PYROXD1: variants seen among roughly 807,000 people sequenced by gnomAD.
PYROXD1 encodes tRNA ligase complex-associated NAD(P)H dehydrogenase PYROXD1.
Under a neutral mutation model 62.0 loss-of-function variants are expected in PYROXD1, and 42 were observed. The observed-to-expected ratio is 0.68, with a 90% CI of 0.53 to 0.88. The LOEUF is 0.88. Ranked by LOEUF, PYROXD1 falls within the 40% of genes least tolerant of loss-of-function variation. PYROXD1 has a pLI of 0.00. For missense variants in PYROXD1, 493 were observed against 604.8 expected, an observed-to-expected ratio of 0.82 and a Z score of 1.94; for synonymous variants, 170 against 206.4, an observed-to-expected ratio of 0.82 and a Z score of 1.51.
rs772953268 is a variant in PYROXD1, at chr12:21,471,055, T to C, written c.*2301T>C. On this transcript the variant is annotated 3_prime_UTR_variant, in exon 12 of 12. Transcript: ENST00000240651. ...AGAAGATTAGCTTTAGGTCCTATTT[T>C]CAAATACGAAATGGTAGCATAAGCT... The C allele has an allele frequency of 6.2e-7, 1 of 1,602,456 alleles. No homozygotes were observed. Among genetic ancestry groups the C allele is most frequent in the Non-Finnish European group, 8.5e-7 (1 of 1,175,488 alleles).
intron 4 of PYROXD1, 85 bp from the exon 5 acceptor site, chr12:21,451,996 T>G (rs1942507502): frequency 1.2e-5 from 10 of 803,420 alleles, no homozygotes; most frequent in African/African-American, 1.8e-5. Flanking sequence ...AATATTTACA[T>G]TTTTAGAATA....
In PYROXD1 at chr12:21,455,287, C is replaced by G. The variant is rs769593817; in HGVS notation, c.644C>G (p.Thr215Ser). 1 of 1,547,170 alleles carries G rather than the reference C, an allele frequency of 6.5e-7. No homozygotes were observed. The highest frequency in any genetic ancestry group is 8.7e-7 in the Non-Finnish European group (1 of 1,147,342). The change falls in exon 6 of 12, where the codon ACT becomes AGT. Residue 215 changes from threonine to serine, a missense_variant. This residue lies in a region of PYROXD1 where 329 missense variants were observed against 446.6 expected (regional missense o/e 0.74). Coordinates refer to ENST00000240651, the MANE Select transcript of PYROXD1 (RefSeq NM_024854.5). ...GCACATAAAAGAACCAGATATACAA[C>G]TGAAGGTAAGTGTAGCACCTAGCTC... ...KIAHKRTRYT[T>S]EGRKKEARSK...
chr12:21,445,609 T>C (rs1942372051), intron 3 of PYROXD1, 143 bp downstream of exon 3: 2 of 857,254 alleles, frequency 2.3e-6, no homozygotes, highest in Non-Finnish European at 3.4e-6. Flanking sequence ...TCCAGTATTA[T>C]TAGAAAAAAT....
At position 21,461,069 on chromosome 12, in the gene PYROXD1, A is replaced by G. The variant is rs1942689221; in HGVS notation, c.795A>G (p.Lys265=). 6.4e-7 allele frequency: 1 copy of G among 1,573,370 alleles called. No homozygotes were observed. The highest frequency in any genetic ancestry group is 1.8e-5 in the Admixed American group (1 of 55,574). ...IHLETMCEVK[K]IYLQDEFRIL... is the part of the protein sequence containing the mutation. ...TTGAAACTATGTGTGAAGTAAAGAAAATCTACCTTCAGGATGAGTTTAGAA... is the reference window on the plus strand; with the variant it reads ...TTGAAACTATGTGTGAAGTAAAGAAGATCTACCTTCAGGATGAGTTTAGAA... Residue 265 remains lysine, a synonymous_variant, in exon 8 of 12, where the codon AAA becomes AAG. Transcript: ENST00000240651.
rs769102078 is a variant in PYROXD1, at chr12:21,462,004, A to G, written c.881-4A>G. The G allele has an allele frequency of 2.5e-6, 4 of 1,590,988 alleles. No individual in the cohort carries two copies. Among genetic ancestry groups the G allele is most frequent in the Non-Finnish European group, 3.4e-6 (4 of 1,165,772 alleles). ...TCTGTTTTTTTGGTTTTTTTTTCTT[A>G]AAGAGATGTGGCCTGTCTATGTGGA... On this transcript the variant is annotated splice_region_variant and splice_polypyrimidine_tract_variant and intron_variant, in intron 8 of 11. Coordinates refer to ENST00000240651, the MANE Select transcript of PYROXD1 (RefSeq NM_024854.5).
chr12:21,440,287 C>A, intron 1 of PYROXD1, 81 bp from the exon 2 acceptor site: 1 of 732,626 alleles, frequency 1.4e-6, no homozygotes, highest in South Asian at 1.9e-5. Context: ...ATTAAAATTG[C>A]ATTATTCTCA....
intron 9 of PYROXD1, 118 bp from the exon 10 acceptor site, chr12:21,462,622 T>C (rs1291506588): frequency 1.7e-6 from 2 of 1,181,360 alleles, no homozygotes; most frequent in African/African-American, 3.1e-5. Flanking sequence ...ATATTTTTCA[T>C]TTTCTCATTA....
At position 21,470,196 on chromosome 12, in the gene PYROXD1, A is replaced by C; in HGVS notation, c.*1442A>C. On this transcript the variant is annotated 3_prime_UTR_variant, in exon 12 of 12. Coordinates refer to ENST00000240651, the MANE Select transcript of PYROXD1 (RefSeq NM_024854.5). ...TAGAAAATTTAGTAACATTCATATC[A>C]GGCATCATCGATTTTTCTTTTCTTA... 6.2e-7 allele frequency: 1 copy of C among 1,611,660 alleles called. No homozygotes were observed. Among genetic ancestry groups the C allele is most frequent in the Non-Finnish European group, 8.5e-7 (1 of 1,178,518 alleles).
chr12:21,467,496 C>T lies in PYROXD1; in HGVS notation c.1132C>T (p.Gln378Ter). ...ATCATTTCAGATGAGGCTGTGGACC[C>T]AGGCTAGACAGATGGGATGGTATGC... ...PVWQQMRLWT[Q>*]ARQMGWYAAK... The change falls in exon 11 of 12, where the codon CAG becomes TAG. Residue 378 changes from glutamine (Q) to a stop codon, truncating the protein, a stop_gained. Transcript: ENST00000240651. LOFTEE classifies it high-confidence loss of function. 6.2e-7 allele frequency: 1 copy of T among 1,604,210 alleles called. No individual in the cohort carries two copies. The highest frequency in any genetic ancestry group is 8.5e-7 in the Non-Finnish European group (1 of 1,176,384).
At chr12:21,464,598 C>T (rs892755238) in intron 10 of PYROXD1, among the ~76,000 whole-genome samples, 2 of 152,120 alleles carry the variant, frequency 1.3e-5, no homozygotes, top group African/African-American at 2.4e-5. Context: ...CTGTTTAATT[C>T]TCTCAATAGT....
Position 21,470,343 on chromosome 12 carries a change from C to T in PYROXD1, c.*1589C>T, listed in dbSNP as rs1383372186. 7 of 1,375,918 alleles carry T rather than the reference C, an allele frequency of 5.1e-6. No individual in the cohort carries two copies. Among genetic ancestry groups the T allele is most frequent in the African/African-American group, 1.7e-5 (1 of 58,252 alleles). 85.2% of individuals were successfully genotyped at this position (1,375,918 alleles called of 1,614,324 possible). ...TCAGAATGACAAGTTTGAGACGATT[C>T]AGCCTACAAAAAAAAAAAAAAAACA... On this transcript the variant is annotated 3_prime_UTR_variant, in exon 12 of 12. Transcript: ENST00000240651.
In PYROXD1 at chr12:21,470,502, A is replaced by G. The variant is rs920060148; in HGVS notation, c.*1748A>G. 6.7e-4 allele frequency: 686 copies of G among 1,022,416 alleles called. 2 individuals are homozygous for G. The highest frequency in any genetic ancestry group is 9.4e-4 in the Admixed American group (27 of 28,698). 63.3% of individuals were successfully genotyped at this position (1,022,416 alleles called of 1,614,324 possible). A position where few individuals can be genotyped will look rare whatever the true frequency, so the allele number is the denominator to read the frequency against. On this transcript the variant is annotated 3_prime_UTR_variant, in exon 12 of 12. Transcript: ENST00000240651. Reference sequence around the variant, plus strand: ...TTTTTATCTACAAATTTCTATTCAAATATGAGCTCTATTTTGAATAAAAGG... The same window carrying G: ...TTTTTATCTACAAATTTCTATTCAAGTATGAGCTCTATTTTGAATAAAAGG...
Position 21,471,122 on chromosome 12 carries a change from TAAGA to T in PYROXD1, c.*2372_*2375del, listed in dbSNP as rs1383720415. 1.9e-6 allele frequency: 3 copies of T among 1,546,112 alleles called. No individual in the cohort carries two copies. The highest frequency in any genetic ancestry group is 2.6e-6 in the Non-Finnish European group (3 of 1,156,298). On this transcript the variant is annotated 3_prime_UTR_variant, in exon 12 of 12. Coordinates refer to ENST00000240651, the MANE Select transcript of PYROXD1 (RefSeq NM_024854.5). ...CTCTGCAGAAAATAAAGGCCAACAATAAGAAAGCTTTTGAAGGAATCACGGAAAA... is the reference window on the plus strand; with the variant it reads ...CTCTGCAGAAAATAAAGGCCAACAATAAGCTTTTGAAGGAATCACGGAAAA...
At chr12:21,438,158 T>G in intron 1 of PYROXD1, 1 of 217,022 alleles carries the variant, frequency 4.6e-6, no homozygotes, top group Non-Finnish European at 9.2e-6. Flanking sequence ...TCTTTTTCTT[T>G]GAGACGGAGT....
chr12:21,463,938 A>G (rs541718870), intron 10 of PYROXD1, among the ~76,000 whole-genome samples: 1 of 152,300 alleles, frequency 6.6e-6, no homozygotes, highest in Non-Finnish European at 1.5e-5. Flanking sequence ...ACAGTTAGGG[A>G]CATTATTCAT....
At chr12:21,465,131 CG>C (rs1942768870) in intron 10 of PYROXD1, among the ~76,000 whole-genome samples, 1 of 152,110 alleles carries the variant, frequency 6.6e-6, no homozygotes, top group African/African-American at 2.4e-5. Context: ...TATAAACATA[CG>C]TGTGCATGTG....
intron 5 of PYROXD1, among the ~76,000 whole-genome samples, chr12:21,452,481 A>G (rs1942519176): frequency 1.3e-5 from 2 of 152,050 alleles, no homozygotes; most frequent in Non-Finnish European, 2.9e-5. Flanking sequence ...AATAATTCAA[A>G]TATTTACACC....
chr12:21,463,100 T>C (rs891228896), intron 10 of PYROXD1, among the ~76,000 whole-genome samples: 5 of 150,140 alleles, frequency 3.3e-5, no homozygotes, highest in Non-Finnish European at 7.4e-5. Flanking sequence ...TATTACTTTG[T>C]TTTTCATTCT....
intron 2 of PYROXD1, among the ~76,000 whole-genome samples, chr12:21,442,480 A>G (rs7136265): frequency 6.6e-6 from 1 of 151,866 alleles, no homozygotes; most frequent in African/African-American, 2.4e-5. Context: ...TGCAGTGAGG[A>G]TTGGTTGCAG....
Sources: allele counts gnomAD v4.1 joint callset (sites outside exome capture counted in the v4.1 genomes callset), GRCh38; gene constraint gnomAD v4.1.1; regional missense constraint gnomAD v4.1.1; transcripts MANE v1.5; gene names NCBI Gene and HGNC (gene_info 2026-07-23, HGNC 2026-07-21).